The following UNC13A variants were observed in gnomAD, a reference collection of about 807,000 sequenced individuals.
The protein encoded by UNC13A is protein unc-13 homolog A.
UNC13A carries 61 observed loss-of-function variants against 219.7 expected under a neutral mutation model. The ratio of observed to expected loss-of-function variants is 0.28; its 90% CI spans 0.23 to 0.34. The LOEUF (loss-of-function observed/expected upper bound fraction) is 0.34, where lower values mean the gene tolerates loss of function less well. Among genes scored for constraint, UNC13A ranks in the 10% least tolerant of loss-of-function variants. The pLI is 1.00. For synonymous variants in UNC13A, 920 were observed against 884.6 expected, an observed-to-expected ratio of 1.04 and a Z score of -0.71; for missense variants, 1,476 against 2,270.3, an observed-to-expected ratio of 0.65 and a Z score of 7.11.
chr19:17,618,806 G>A (rs1358712095), intron 39 of UNC13A, 100 bp downstream of exon 39: 1 of 1,152,144 alleles, frequency 8.7e-7, no homozygotes. Flanking sequence ...TGTAATGCAT[G>A]TCATCATCCT....
rs1236452451 is a variant in UNC13A at position 17,678,787 on chromosome 19, A to AGAGGTAGAATGTGACGGGATCG, written c.23-2768_23-2747dup. On this transcript the variant is annotated intron_variant, in intron 1 of 43. Coordinates refer to ENST00000519716, the MANE Select transcript of UNC13A (RefSeq NM_001080421.3). Reference sequence around the variant, plus strand: ...AAGGGGGTGGGCAGGGGAAGGGGCAAGAGGTAGAATGTGACGGGATCGGGG... The same window carrying AGAGGTAGAATGTGACGGGATCG: ...AAGGGGGTGGGCAGGGGAAGGGGCAAGAGGTAGAATGTGACGGGATCGGAGGTAGAATGTGACGGGATCGGGG... Among the ~76,000 whole-genome samples, 4 of 152,032 alleles carry AGAGGTAGAATGTGACGGGATCG rather than the reference A, an allele frequency of 2.6e-5. No individual in the cohort carries two copies. The East Asian group carries it at 7.8e-4, about 29-fold the overall frequency.
At chr19:17,618,816 TG>T in intron 39 of UNC13A, 89 bp downstream of exon 39, 1 of 1,286,834 alleles carries the variant, frequency 7.8e-7, no homozygotes, top group Non-Finnish European at 1.1e-6. Flanking sequence ...GTCATCATCC[TG>T]GGACCCCTCC....
Position 17,611,893 on chromosome 19 carries a change from G to C in UNC13A, c.4559-38C>G. 4.4e-6 allele frequency: 7 copies of C among 1,584,662 alleles called. No individual in the cohort carries two copies. In the African/African-American group the frequency reaches 5.4e-5, roughly 12 times the overall value. On this transcript the variant is annotated intron_variant, in intron 41 of 43. Coordinates refer to ENST00000519716, the MANE Select transcript of UNC13A (RefSeq NM_001080421.3). ...GGGGAGGATGGTCAGCGTGAGCTCT[G>C]TTCTTTCCCACCCACCAGGAGGGAC...
At chr19:17,607,410 C>T (rs1306518811) in intron 43 of UNC13A, among the ~76,000 whole-genome samples, 1 of 139,440 alleles carries the variant, frequency 7.2e-6, no homozygotes, top group Non-Finnish European at 1.5e-5. Context: ...TACAGGCATG[C>T]ACCACCACAC....
rs962506816 is a variant in UNC13A, at chr19:17,655,824, C to T, written c.1283+59G>A. Reference sequence around the variant, plus strand: ...CAGGTCCACGCTGACCCCATCATAGCCCTGCTGACCCTGTGACCTTGTGGC... The same window carrying T: ...CAGGTCCACGCTGACCCCATCATAGTCCTGCTGACCCTGTGACCTTGTGGC... On this transcript the variant is annotated intron_variant, in intron 10 of 43. Transcript: ENST00000519716. 12 of 1,458,608 alleles carry T rather than the reference C, an allele frequency of 8.2e-6. No individual in the cohort carries two copies. The African/African-American group carries it at 1.7e-4, about 21-fold the overall frequency. 90.4% of individuals were successfully genotyped at this position (1,458,608 alleles called of 1,614,324 possible). A position where few individuals can be genotyped will look rare whatever the true frequency, so the allele number is the denominator to read the frequency against.
At chr19:17,608,249 A>G (rs1424467379) in intron 43 of UNC13A, among the ~76,000 whole-genome samples, 3 of 141,816 alleles carry the variant, frequency 2.1e-5, no homozygotes, top group Non-Finnish European at 1.5e-5. Flanking sequence ...TACAATATAT[A>G]ATATATGAAA....
intron 16 of UNC13A, 88 bp downstream of exon 16, chr19:17,648,341 CAT>C: frequency 2.3e-6 from 3 of 1,298,424 alleles, no homozygotes; most frequent in Non-Finnish European, 3.0e-6. Context: ...GTGCCCCACC[CAT>C]CGCCTTGCCC....
chr19:17,669,716 C>T, intron 4 of UNC13A, 40 bp from the exon 5 acceptor site: 3 of 1,575,850 alleles, frequency 1.9e-6, no homozygotes, highest in East Asian at 4.6e-5. Context: ...CAGGAATCTG[C>T]TGGTCACTAG....
chr19:17,617,867 G>A lies in UNC13A; in HGVS notation c.4411-18C>T, dbSNP rs768495829. 2 of 1,613,282 alleles carry A rather than the reference G, an allele frequency of 1.2e-6. No homozygotes were observed. The highest frequency in any genetic ancestry group is 2.7e-5 in the African/African-American group (2 of 74,896). Reference sequence around the variant, plus strand: ...AAATATTGCTGGGGAGGACAGGGTGGGGAGAGGTGAGGATGGTGGGAACCT... The same window carrying A: ...AAATATTGCTGGGGAGGACAGGGTGAGGAGAGGTGAGGATGGTGGGAACCT... On this transcript the variant is annotated intron_variant, in intron 40 of 43. Transcript: ENST00000519716.
rs1009200672 is a variant in UNC13A, at chr19:17,639,101, C to G, written c.3063G>C (p.Arg1021=). 2 of 1,603,682 alleles carry G rather than the reference C, an allele frequency of 1.2e-6. No individual in the cohort carries two copies. Among genetic ancestry groups the G allele is most frequent in the East Asian group, 4.5e-5 (2 of 44,628 alleles). ...IFNNCHELYS[R]EYQTDPAKKG... ...GTCTCACCGGGTCTGTCTGGTACTCCCGGCTGTACAGTTCATGGCAGTTAT... is the reference window on the plus strand; with the variant it reads ...GTCTCACCGGGTCTGTCTGGTACTCGCGGCTGTACAGTTCATGGCAGTTAT... The change falls in exon 25 of 44, where the codon CGG becomes CGC. Residue 1021 remains arginine (R), a synonymous_variant. Transcript: ENST00000519716.
chr19:17,642,729 CG>C, intron 20 of UNC13A, 115 bp downstream of exon 20: 1 of 815,450 alleles, frequency 1.2e-6, no homozygotes, highest in Non-Finnish European at 1.9e-6. Context: ...AATGGCATGG[CG>C]GGCAGTCTCA....
intron 10 of UNC13A, 73 bp from the exon 11 acceptor site, chr19:17,655,455 G>A: frequency 2.5e-6 from 3 of 1,195,756 alleles, no homozygotes; most frequent in Non-Finnish European, 3.6e-6. Context: ...CCCTCCAGCT[G>A]TGCAAGTGAT....
chr19:17,626,016 A>G (rs2076779530), intron 34 of UNC13A, among the ~76,000 whole-genome samples: 1 of 147,838 alleles, frequency 6.8e-6, no homozygotes, highest in South Asian at 2.2e-4. Context: ...CATTCATCCA[A>G]ATATTTATCC....
At chr19:17,648,798 C>A (rs1436217648) in intron 15 of UNC13A, 114 bp downstream of exon 15, 2 of 1,481,746 alleles carry the variant, frequency 1.3e-6, no homozygotes, top group South Asian at 1.2e-5. Context: ...TTCTGCCAGT[C>A]TGTGTCACAC....
chr19:17,608,116 G>C (rs2076554241), intron 43 of UNC13A, among the ~76,000 whole-genome samples: 2 of 148,534 alleles, frequency 1.3e-5, no homozygotes, highest in African/African-American at 2.5e-5. Context: ...GCGCCATCTT[G>C]GGTCATTGCA....
chr19:17,606,054 C>CCT lies in UNC13A; in HGVS notation c.5111_5112insAG (p.Ter1704=). ...AEEGGAAPAP[*] is the part of the protein sequence containing the mutation. ...AGTGCCGCTCGGCCGACCGCCCGCG[C>CCT]TAAGGCGCAGGCGCGGCACCGCCCT... The change falls in exon 44 of 44, where the codon TAG becomes TAAGG. Residue 1704 remains the stop codon, a frameshift_variant and stop_retained_variant. Transcript: ENST00000519716. LOFTEE classifies it high-confidence loss of function. 1 of 1,544,320 alleles carries CCT rather than the reference C, an allele frequency of 6.5e-7. No individual in the cohort carries two copies. The highest frequency in any genetic ancestry group is 8.7e-7 in the Non-Finnish European group (1 of 1,151,240).
In UNC13A at chr19:17,657,267, G is replaced by A. The variant is rs537109128; in HGVS notation, c.767+795C>T. ...TCCCCGCCTCCTCCATTCCGGCCAC[G>A]CTGGCCACCTCGTTGTCTCTCCAAC... On this transcript the variant is annotated intron_variant, in intron 9 of 43. Coordinates refer to ENST00000519716, the MANE Select transcript of UNC13A (RefSeq NM_001080421.3). 1.6e-4 allele frequency among the ~76,000 whole-genome samples: 24 copies of A among 152,180 alleles called. 1 individual carries two copies. The East Asian group carries it at 2.3e-3, about 15-fold the overall frequency.
intron 30 of UNC13A, among the ~76,000 whole-genome samples, chr19:17,629,853 A>G (rs2076822867): frequency 6.6e-6 from 1 of 151,520 alleles, no homozygotes; most frequent in African/African-American, 2.4e-5. Flanking sequence ...CCACACCTCA[A>G]CTCCAACCTT....
chr19:17,641,603 C>T (rs772676008), intron 20 of UNC13A, 47 bp from the exon 21 acceptor site: 66 of 1,594,086 alleles, frequency 4.1e-5, no homozygotes, highest in South Asian at 3.3e-4. Context: ...AAGGGGTCGC[C>T]GGGGGTCAGA....
Sources: gnomAD v4.1 joint callset for allele counts (sites outside exome capture counted in the v4.1 genomes callset) on GRCh38, gnomAD v4.1.1 for gene constraint, MANE v1.5 for transcripts, NCBI Gene and HGNC (gene_info 2026-07-23, HGNC 2026-07-21) for gene names.